Variants in CNTLN observed in about 807,000 individuals in gnomAD.
CNTLN encodes centlein, centrosomal protein.
A neutral mutation model predicts 180.0 loss-of-function variants in CNTLN; 212 were observed. That is an observed-to-expected ratio of 1.18 (90% CI 1.05 to 1.32). The LOEUF is 1.32. Ranked by LOEUF, CNTLN falls within the 40% of genes most tolerant of loss-of-function variation. The probability of loss-of-function intolerance (pLI) is 0.00; values close to 1 mark genes in which losing one functional copy is unlikely to be tolerated. For synonymous variants in CNTLN, 722 were observed against 563.1 expected, an observed-to-expected ratio of 1.28 and a Z score of -3.99; for missense variants, 2,095 against 1,610.9, an observed-to-expected ratio of 1.30 and a Z score of -5.14.
chr9:17,219,051 T>A (rs1469579640), intron 2 of CNTLN, among the ~76,000 whole-genome samples: 1 of 152,162 alleles, frequency 6.6e-6, no homozygotes, highest in Non-Finnish European at 1.5e-5. Flanking sequence ...TGGGAAGTAC[T>A]CTTGGGAAAA....
At chr9:17,173,533 G>C in intron 2 of CNTLN, among the ~76,000 whole-genome samples, 1 of 152,010 alleles carries the variant, frequency 6.6e-6, no homozygotes, top group Non-Finnish European at 1.5e-5. Context: ...AGCTCATAAG[G>C]GTTAATCCGT....
At chr9:17,407,420 C>T (rs544819076) in intron 15 of CNTLN, among the ~76,000 whole-genome samples, 2 of 152,258 alleles carry the variant, frequency 1.3e-5, no homozygotes, top group African/African-American at 2.4e-5. Context: ...ATCTGAATTC[C>T]ATCAAAGCAT....
chr9:17,466,405 A>G (rs1831750432), intron 22 of CNTLN, among the ~76,000 whole-genome samples: 1 of 151,488 alleles, frequency 6.6e-6, no homozygotes, highest in African/African-American at 2.4e-5. Context: ...TTGTAGGCCC[A>G]CTTAAACTTT....
intron 7 of CNTLN, among the ~76,000 whole-genome samples, chr9:17,305,069 C>G (rs1449783739): frequency 1.3e-5 from 2 of 152,088 alleles, no homozygotes; most frequent in East Asian, 3.9e-4. Flanking sequence ...TATAAAATAT[C>G]ATTTAGTTCT....
chr9:17,161,489 A>G lies in CNTLN; in HGVS notation c.449+18113A>G, dbSNP rs551551500. Among the ~76,000 whole-genome samples the G allele has an allele frequency of 1.4e-4, 22 of 152,318 alleles. 1 individual carries two copies. The South Asian group carries it at 4.6e-3, about 32-fold the overall frequency. ...TAATAAACATTGAAGAAACAGTAAC[A>G]TGGAGTTTCATAGAAATATAAATAC... On this transcript the variant is annotated intron_variant, in intron 2 of 25. Transcript: ENST00000380647.
chr9:17,206,827 C>T (rs796681120), intron 2 of CNTLN, among the ~76,000 whole-genome samples: 2 of 152,210 alleles, frequency 1.3e-5, no homozygotes, highest in African/African-American at 4.8e-5. Context: ...ATATGTTAGT[C>T]ATTGAAAAAC....
At chr9:17,379,861 C>T (rs948827633) in intron 13 of CNTLN, among the ~76,000 whole-genome samples, 3 of 152,134 alleles carry the variant, frequency 2.0e-5, no homozygotes, top group African/African-American at 7.2e-5. Flanking sequence ...ATTCAGTCTC[C>T]TCTAGTCTTC....
At chr9:17,379,719 C>G (rs562313385) in intron 13 of CNTLN, among the ~76,000 whole-genome samples, 4 of 152,064 alleles carry the variant, frequency 2.6e-5, no homozygotes, top group Non-Finnish European at 5.9e-5. Context: ...AGATTAAATC[C>G]CAAAACTTTT....
chr9:17,200,493 T>G (rs7854322), intron 2 of CNTLN, among the ~76,000 whole-genome samples: 48,606 of 151,950 alleles, frequency 0.32, 9,814 homozygotes, highest in African/African-American at 0.56. Flanking sequence ...CCATTTGTTT[T>G]TGACCTCTCT....
At chr9:17,360,036 G>A (rs1823233643) in intron 12 of CNTLN, among the ~76,000 whole-genome samples, 1 of 152,056 alleles carries the variant, frequency 6.6e-6, no homozygotes, top group African/African-American at 2.4e-5. Flanking sequence ...CATCATTATG[G>A]ATATTTCTTT....
chr9:17,353,911 C>A (rs1170470070), intron 12 of CNTLN, among the ~76,000 whole-genome samples: 1 of 152,190 alleles, frequency 6.6e-6, no homozygotes, highest in Non-Finnish European at 1.5e-5. Flanking sequence ...GAGCCCACTC[C>A]CTCAGCTTAC....
At chr9:17,290,025 C>T (rs1829261315) in intron 6 of CNTLN, among the ~76,000 whole-genome samples, 1 of 152,222 alleles carries the variant, frequency 6.6e-6, no homozygotes, top group Non-Finnish European at 1.5e-5. Flanking sequence ...AATCATTCTC[C>T]ATCCAGCTTT....
At chr9:17,145,089 C>T (rs1234172794) in intron 2 of CNTLN, among the ~76,000 whole-genome samples, 2 of 149,986 alleles carry the variant, frequency 1.3e-5, no homozygotes, top group Non-Finnish European at 3.0e-5. Flanking sequence ...GATCCACCCG[C>T]CTCGGCCTCC....
chr9:17,348,630 A>T (rs964921462), intron 12 of CNTLN, among the ~76,000 whole-genome samples: 1 of 151,186 alleles, frequency 6.6e-6, no homozygotes, highest in East Asian at 2.0e-4. Flanking sequence ...TCCTGGGTTC[A>T]AGTAAATCTC....
At chr9:17,519,100 A>T in the CNTLN span, among the ~76,000 whole-genome samples, 1 of 151,324 alleles carries the variant, frequency 6.6e-6, no homozygotes, top group African/African-American at 2.4e-5. Flanking sequence ...TTATTTATTT[A>T]TTTATTTTTT....
chr9:17,270,927 A>G (rs1052938358), intron 5 of CNTLN, among the ~76,000 whole-genome samples: 1 of 146,596 alleles, frequency 6.8e-6, no homozygotes, highest in Non-Finnish European at 1.5e-5. Flanking sequence ...TATCAAGGGC[A>G]TTTCCTTCAG....
At chr9:17,474,266 A>G (rs924937388) in intron 23 of CNTLN, among the ~76,000 whole-genome samples, 9 of 152,146 alleles carry the variant, frequency 5.9e-5, no homozygotes, top group African/African-American at 2.2e-4. Flanking sequence ...TGTACAAAAA[A>G]GTTGAAAAAA....
chr9:17,216,462 T>C (rs77777219), intron 2 of CNTLN, among the ~76,000 whole-genome samples: 2,088 of 152,254 alleles, frequency 0.014, 48 homozygotes, highest in African/African-American at 0.047. Context: ...GGCAAGATGA[T>C]TTTTAGATTT....
intron 23 of CNTLN, 128 bp downstream of exon 23, chr9:17,467,019 C>T (rs1831793164): frequency 7.6e-6 from 4 of 525,386 alleles, no homozygotes; most frequent in Non-Finnish European, 1.3e-5. Context: ...TTCTTCTACC[C>T]TATTTATCAC....
Sources: gnomAD v4.1 joint callset for allele counts (sites outside exome capture counted in the v4.1 genomes callset) on GRCh38, gnomAD v4.1.1 for gene constraint, MANE v1.5 for transcripts, NCBI Gene and HGNC (gene_info 2026-07-23, HGNC 2026-07-21) for gene names.